The following ADGRB3 variants were observed in gnomAD, a reference collection of about 807,000 sequenced individuals.
ADGRB3 encodes adhesion G protein-coupled receptor B3.
In ADGRB3, 37 loss-of-function variants were observed where a neutral mutation model predicts 193.4. The ratio of observed to expected loss-of-function variants is 0.19; its 90% CI spans 0.15 to 0.25. The LOEUF (loss-of-function observed/expected upper bound fraction) is 0.25. Ranked by LOEUF, ADGRB3 falls within the 10% of genes least tolerant of loss-of-function variation. ADGRB3 has a pLI of 1.00. For synonymous variants in ADGRB3, 690 were observed against 644.2 expected, an observed-to-expected ratio of 1.07 and a Z score of -1.08; for missense variants, 1,637 against 1,852.9, an observed-to-expected ratio of 0.88 and a Z score of 2.14.
At chr6:68,661,366 TATATATGTGTATAC>T (rs1768632327) in intron 3 of ADGRB3, among the ~76,000 whole-genome samples, 1 of 102,938 alleles carries the variant, frequency 9.7e-6, no homozygotes, top group South Asian at 3.1e-4. Context: ...TGTGTGTGTA[TATATATGTGTATAC>T]ATATATATAT....
At chr6:69,376,022 C>T (rs1177057572) in intron 30 of ADGRB3, among the ~76,000 whole-genome samples, 3 of 146,762 alleles carry the variant, frequency 2.0e-5, no homozygotes, top group Non-Finnish European at 4.5e-5. Flanking sequence ...CTTTTTTAAT[C>T]TTCACTTCCA....
At chr6:68,705,853 G>A (rs957884577) in intron 3 of ADGRB3, among the ~76,000 whole-genome samples, 2 of 152,108 alleles carry the variant, frequency 1.3e-5, no homozygotes, top group African/African-American at 4.8e-5. Flanking sequence ...CAGAAGGGTG[G>A]GAGTCAGTAG....
intron 11 of ADGRB3, among the ~76,000 whole-genome samples, chr6:69,000,269 G>T (rs1352221513): frequency 6.6e-6 from 1 of 152,166 alleles, no homozygotes; most frequent in African/African-American, 2.4e-5. Context: ...AGCAGACACT[G>T]AATTAACAAA....
chr6:68,781,345 A>T (rs995415756), intron 3 of ADGRB3, among the ~76,000 whole-genome samples: 1 of 152,136 alleles, frequency 6.6e-6, no homozygotes, highest in Non-Finnish European at 1.5e-5. Context: ...CTTTTAGCAC[A>T]TTGCTACTTT....
At chr6:69,161,786 T>G (rs1343081716) in intron 17 of ADGRB3, among the ~76,000 whole-genome samples, 1 of 152,068 alleles carries the variant, frequency 6.6e-6, no homozygotes, top group African/African-American at 2.4e-5. Flanking sequence ...GTTATTGAAC[T>G]GAGAGCCTCA....
Position 69,365,142 on chromosome 6 carries a change from T to C in ADGRB3, c.4239+3630T>C, listed in dbSNP as rs140875981. Among the ~76,000 whole-genome samples, 529 of 152,194 alleles carry C rather than the reference T, an allele frequency of 3.5e-3. 2 individuals are homozygous for C. The highest frequency in any genetic ancestry group is 0.012 in the African/African-American group (494 of 41,546). On this transcript the variant is annotated intron_variant, in intron 29 of 31. Coordinates refer to ENST00000370598, the MANE Select transcript of ADGRB3 (RefSeq NM_001704.3). ...GCACATCTTGGACATGTTTAGCACA[T>C]GGTCCATTCTTCACTCTTTTCCCTG...
intron 10 of ADGRB3, among the ~76,000 whole-genome samples, chr6:68,979,108 G>T (rs762691394): frequency 3.5e-4 from 51 of 144,886 alleles, no homozygotes; most frequent in Non-Finnish European, 6.4e-4. Context: ...TGGACATTTG[G>T]TTTTTTTCTT....
chr6:68,860,410 C>T lies in ADGRB3; in HGVS notation c.758-70149C>T, dbSNP rs560343879. Among the ~76,000 whole-genome samples, 16 of 152,270 alleles carry T rather than the reference C, an allele frequency of 1.1e-4. No individual in the cohort carries two copies. The South Asian group carries it at 2.5e-3, about 24-fold the overall frequency. On this transcript the variant is annotated intron_variant, in intron 3 of 31. Coordinates refer to ENST00000370598, the MANE Select transcript of ADGRB3 (RefSeq NM_001704.3). ...TTCCCACTCTCCCATTCTGGAGCCC[C>T]AGTGTATATTACTTCCCTCTCTAAG...
intron 3 of ADGRB3, among the ~76,000 whole-genome samples, chr6:68,906,046 A>G (rs73747849): frequency 0.03 from 4,490 of 152,118 alleles, 193 homozygotes; most frequent in African/African-American, 0.1. Flanking sequence ...AACATAAACT[A>G]TAGCCTCATA....
At chr6:69,258,183 A>C (rs891641026) in intron 20 of ADGRB3, among the ~76,000 whole-genome samples, 5 of 139,662 alleles carry the variant, frequency 3.6e-5, no homozygotes, top group Non-Finnish European at 7.9e-5. Context: ...TGTCAGTAGG[A>C]AGAATTATAA....
chr6:68,980,575 AAAC>A (rs767150773), intron 10 of ADGRB3, among the ~76,000 whole-genome samples: 4 of 151,602 alleles, frequency 2.6e-5, no homozygotes, highest in Non-Finnish European at 4.4e-5. Context: ...TGGGGGAAGA[AAAC>A]AAAACAATAC....
intron 31 of ADGRB3, 99 bp downstream of exon 31, chr6:69,383,034 T>C: frequency 1.5e-6 from 1 of 685,780 alleles, no homozygotes; most frequent in Non-Finnish European, 2.2e-6. Context: ...ATAAGATGAG[T>C]CTACATAGAA....
chr6:69,120,331 A>G (rs1446191674), intron 17 of ADGRB3, among the ~76,000 whole-genome samples: 1 of 152,212 alleles, frequency 6.6e-6, no homozygotes, highest in Non-Finnish European at 1.5e-5. Context: ...TTCAATAAGG[A>G]GCTCTGGCCA....
intron 3 of ADGRB3, among the ~76,000 whole-genome samples, chr6:68,682,418 CAACA>C (rs535647145): frequency 1.6e-4 from 25 of 152,090 alleles, no homozygotes; most frequent in Non-Finnish European, 3.7e-4. Context: ...AAATTCAGAA[CAACA>C]AATTACTGTA....
chr6:69,336,563 T>A (rs951650730), intron 24 of ADGRB3, among the ~76,000 whole-genome samples: 2 of 152,018 alleles, frequency 1.3e-5, no homozygotes, highest in African/African-American at 4.8e-5. Context: ...AGACCCACAG[T>A]AATAACTGGA....
chr6:69,065,824 T>C (rs1562144233), intron 16 of ADGRB3, among the ~76,000 whole-genome samples: 1 of 149,448 alleles, frequency 6.7e-6, no homozygotes, highest in Non-Finnish European at 1.5e-5. Flanking sequence ...CAGTTGGCCC[T>C]CAGTATCTGC....
At chr6:69,322,484 TC>T (rs1235972974) in intron 20 of ADGRB3, among the ~76,000 whole-genome samples, 3 of 151,918 alleles carry the variant, frequency 2.0e-5, no homozygotes. Context: ...ATATAAACCT[TC>T]CTTTTTCTGC....
intron 17 of ADGRB3, among the ~76,000 whole-genome samples, chr6:69,122,998 G>GT (rs1773758287): frequency 6.7e-6 from 1 of 150,308 alleles, no homozygotes. Flanking sequence ...ACATACGTGT[G>GT]AGTGTGTGTG....
chr6:69,226,276 A>T (rs931442309), intron 17 of ADGRB3, among the ~76,000 whole-genome samples: 3 of 152,236 alleles, frequency 2.0e-5, no homozygotes, highest in Non-Finnish European at 2.9e-5. Context: ...CAGCACCTGC[A>T]TCATATTTAA....
Sources: gnomAD v4.1 joint callset for allele counts (sites outside exome capture counted in the v4.1 genomes callset) on GRCh38, gnomAD v4.1.1 for gene constraint, MANE v1.5 for transcripts, NCBI Gene and HGNC (gene_info 2026-07-23, HGNC 2026-07-21) for gene names.